The following BAZ1A variants were observed in gnomAD, a reference collection of about 807,000 sequenced individuals.
The protein encoded by BAZ1A is bromodomain adjacent to zinc finger domain protein 1A.
Under a neutral mutation model 185.2 loss-of-function variants are expected in BAZ1A, and 50 were observed. The ratio of observed to expected loss-of-function variants is 0.27; its 90% CI spans 0.22 to 0.34. BAZ1A has a LOEUF of 0.34. BAZ1A is among the 10% of genes least tolerant of loss of function. The pLI is 1.00. For synonymous variants in BAZ1A, 571 were observed against 615.6 expected, an observed-to-expected ratio of 0.93 and a Z score of 1.07; for missense variants, 1,356 against 1,839.9, an observed-to-expected ratio of 0.74 and a Z score of 4.81.
chr14:34,771,674 A>G lies in BAZ1A; in HGVS notation c.3153-15T>C. 6.2e-7 allele frequency: 1 copy of G among 1,608,770 alleles called. No individual in the cohort carries two copies. Reference sequence around the variant, plus strand: ...TCCCCAAAAGTCTACAATTAAAACAATTAAGAGTTTATGGTACTTAAAAAC... The same window carrying G: ...TCCCCAAAAGTCTACAATTAAAACAGTTAAGAGTTTATGGTACTTAAAAAC... On this transcript the variant is annotated splice_polypyrimidine_tract_variant and intron_variant, in intron 20 of 26. Coordinates refer to ENST00000360310, the MANE Select transcript of BAZ1A (RefSeq NM_013448.3).
intron 2 of BAZ1A, among the ~76,000 whole-genome samples, chr14:34,863,152 C>CATTTTTTTT (rs1566603150): frequency 4.5e-5 from 2 of 44,690 alleles, no homozygotes; most frequent in South Asian, 6.8e-4. Context: ...CCACGCTCGG[C>CATTTTTTTT]TTTTTTTTTT....
intron 3 of BAZ1A, among the ~76,000 whole-genome samples, chr14:34,843,471 C>G (rs974525887): frequency 6.6e-6 from 1 of 152,110 alleles, no homozygotes; most frequent in Admixed American, 6.5e-5. Context: ...TGGACTTTAG[C>G]TACCTCAGTC....
At chr14:34,810,811 T>C (rs183534233) in intron 5 of BAZ1A, 124 bp downstream of exon 5, 2 of 712,630 alleles carry the variant, frequency 2.8e-6, no homozygotes, top group East Asian at 5.7e-5. Context: ...CATATAAATG[T>C]ACATTTATTT....
At chr14:34,805,105 G>T (rs1881784740) in intron 6 of BAZ1A, among the ~76,000 whole-genome samples, 3 of 152,182 alleles carry the variant, frequency 2.0e-5, no homozygotes, top group African/African-American at 7.2e-5. Context: ...TGCCAGCCAT[G>T]TGAAGATGTG....
chr14:34,861,103 A>G (rs2042762168), intron 3 of BAZ1A, among the ~76,000 whole-genome samples: 1 of 152,176 alleles, frequency 6.6e-6, no homozygotes, highest in Admixed American at 6.6e-5. Context: ...AATAGTAACA[A>G]CATAAATAAC....
intron 24 of BAZ1A, among the ~76,000 whole-genome samples, chr14:34,760,831 G>C (rs1427400685): frequency 4.0e-5 from 6 of 151,680 alleles, no homozygotes; most frequent in African/African-American, 1.5e-4. Context: ...CAGCCTGAGT[G>C]ACTGGTATAA....
At chr14:34,846,369 C>T (rs142236855) in intron 3 of BAZ1A, among the ~76,000 whole-genome samples, 1 of 152,262 alleles carries the variant, frequency 6.6e-6, no homozygotes, top group East Asian at 1.9e-4. Context: ...AAACTAACCA[C>T]TCTCACCCCC....
At position 34,761,903 on chromosome 14, in the gene BAZ1A, T is replaced by C. The variant is rs761297931; in HGVS notation, c.4097A>G (p.Asn1366Ser). ...RKRRGRKSAN[N>S]TPENSPNFPN... The stretch of plus-strand genomic sequence containing the variant: ...GAAGTTGGGACTATTTTCTGGTGTA[T>C]TATTAGCACTTTTCCTGCCTCTGCG... The change falls in exon 24 of 27, where the codon AAT becomes AGT. Residue 1366 changes from asparagine to serine, a missense_variant. Transcript: ENST00000360310. 6.2e-7 allele frequency: 1 copy of C among 1,614,054 alleles called. No homozygotes were observed. The highest frequency in any genetic ancestry group is 8.5e-7 in the Non-Finnish European group (1 of 1,180,030).
chr14:34,851,391 T>C (rs2042594737), intron 3 of BAZ1A, among the ~76,000 whole-genome samples: 1 of 150,754 alleles, frequency 6.6e-6, no homozygotes, highest in Non-Finnish European at 1.5e-5. Context: ...AAGCCCACTT[T>C]AATTTTAAAA....
chr14:34,820,993 G>A (rs1471508571), intron 4 of BAZ1A, among the ~76,000 whole-genome samples: 1 of 152,148 alleles, frequency 6.6e-6, no homozygotes, highest in African/African-American at 2.4e-5. Flanking sequence ...GCTGGGTAGT[G>A]TCAGTTCTCT....
At chr14:34,809,034 A>T (rs187873535) in intron 5 of BAZ1A, among the ~76,000 whole-genome samples, 1 of 152,328 alleles carries the variant, frequency 6.6e-6, no homozygotes, top group Admixed American at 6.5e-5. Context: ...TGTTGTCAGT[A>T]TTCCCTAAAC....
At chr14:34,869,542 T>C (rs1446766855) in intron 2 of BAZ1A, among the ~76,000 whole-genome samples, 1 of 152,214 alleles carries the variant, frequency 6.6e-6, no homozygotes, top group Admixed American at 6.5e-5. Context: ...ATCATTGTTA[T>C]AGGTAGTATG....
chr14:34,776,057 C>G lies in BAZ1A; in HGVS notation c.2695G>C (p.Glu899Gln). 1.2e-6 allele frequency: 2 copies of G among 1,614,158 alleles called. No homozygotes were observed. The part of the protein sequence containing the change: ...PNRWCFYSSC[E>Q]QLDQLIEALN... ...GCTTCAATAAGCTGGTCTAGCTGTT[C>G]ACAAGAACTGTAAAAGCACCACCGA... The change falls in exon 18 of 27, where the codon GAA becomes CAA. Residue 899 changes from glutamate to glutamine, a missense_variant. Around this residue, in one of 7 missense-constraint regions of BAZ1A, gnomAD observed 434 missense variants for 561.7 expected, o/e 0.77. Transcript: ENST00000360310.
intron 3 of BAZ1A, among the ~76,000 whole-genome samples, chr14:34,832,076 C>A (rs892818452): frequency 7.9e-5 from 12 of 151,358 alleles, no homozygotes; most frequent in African/African-American, 2.4e-4. Flanking sequence ...CACTTGCAGT[C>A]CCAGCTACTC....
intron 24 of BAZ1A, among the ~76,000 whole-genome samples, chr14:34,760,398 G>A (rs952035717): frequency 1.8e-4 from 28 of 151,682 alleles, no homozygotes; most frequent in Non-Finnish European, 1.9e-4. Context: ...AACAGATTAC[G>A]TGCCATTCTT....
In BAZ1A at chr14:34,874,394, C is replaced by T. The variant is rs2043006179; in HGVS notation, c.113+98G>A. The T allele has an allele frequency of 3.3e-6, 4 of 1,223,766 alleles. No individual in the cohort carries two copies. Among genetic ancestry groups the T allele is most frequent in the Non-Finnish European group, 4.7e-6 (4 of 849,352 alleles). 75.8% of individuals were successfully genotyped at this position (1,223,766 alleles called of 1,614,324 possible). A position where few individuals can be genotyped will look rare whatever the true frequency, so the allele number is the denominator to read the frequency against. The stretch of plus-strand genomic sequence containing the variant: ...GCCACCCGTCACTTTCAAGTCGCCC[C>T]GCCAGAAGCCCAGGGCGAGGAAAAG... On this transcript the variant is annotated intron_variant, in intron 2 of 26. Coordinates refer to ENST00000360310, the MANE Select transcript of BAZ1A (RefSeq NM_013448.3). The surrounding 1 kb of genome is among the most constrained non-coding windows in gnomAD (Gnocchi z 4.7).
intron 3 of BAZ1A, among the ~76,000 whole-genome samples, chr14:34,843,286 C>T (rs2042446487): frequency 6.6e-6 from 1 of 152,188 alleles, no homozygotes; most frequent in Non-Finnish European, 1.5e-5. Context: ...CACATTAACT[C>T]TGGATTTACT....
intron 4 of BAZ1A, among the ~76,000 whole-genome samples, chr14:34,819,140 CAAAAAAA>C (rs71121223): frequency 1.4e-5 from 1 of 72,752 alleles, no homozygotes. Flanking sequence ...GACTCTGTCT[CAAAAAAA>C]AAAAAAAAAA....
At chr14:34,758,987 T>C in intron 24 of BAZ1A, 141 bp from the exon 25 acceptor site, 1 of 828,518 alleles carries the variant, frequency 1.2e-6, no homozygotes, top group Non-Finnish European at 1.8e-6. Flanking sequence ...TTCTGGGAGA[T>C]ATGAAAATTC....
Sources: gnomAD v4.1 joint callset for allele counts (sites outside exome capture counted in the v4.1 genomes callset) on GRCh38, gnomAD v4.1.1 for gene constraint, gnomAD v4.1.1 regional missense constraint, Gnocchi (gnomAD v3.1) non-coding constraint, MANE v1.5 for transcripts, NCBI Gene and HGNC (gene_info 2026-07-23, HGNC 2026-07-21) for gene names.